Variants in RAB33A observed in about 807,000 individuals in gnomAD.
The protein encoded by RAB33A is RAB33A, member RAS oncogene family.
Under a neutral mutation model 12.0 loss-of-function variants are expected in RAB33A, and 6 were observed. The observed-to-expected ratio is 0.50, with a 90% CI of 0.27 to 0.99. The LOEUF (loss-of-function observed/expected upper bound fraction) is 0.99, where lower values mean the gene tolerates loss of function less well. RAB33A is among the 50% of genes least tolerant of loss of function. The pLI, the probability that RAB33A is intolerant of heterozygous loss-of-function variation, is 0.11. For synonymous variants in RAB33A, 70 were observed against 82.4 expected (o/e 0.85, Z 0.81); for missense variants, 109 against 192.0 (o/e 0.57, Z 2.55).
intron 1 of RAB33A, among the ~76,000 whole-genome samples, chrX:130,173,001 T>C (rs2031628158): frequency 9.0e-6 from 1 of 111,386 alleles, no homozygotes; most frequent in African/African-American, 3.3e-5. Context: ...TCTTTACTTG[T>C]CTGGGGCATC....
the RAB33A span, among the ~76,000 whole-genome samples, chrX:130,133,933 G>A: frequency 9.1e-6 from 1 of 110,385 alleles, no homozygotes; most frequent in Non-Finnish European, 1.9e-5. Flanking sequence ...CGCCTGGCCT[G>A]AGATCTCATT....
At chrX:130,138,239 G>A in the RAB33A span, among the ~76,000 whole-genome samples, 3 of 111,237 alleles carry the variant, frequency 2.7e-5, no homozygotes, top group Non-Finnish European at 3.8e-5. Context: ...GCCAAGGTGG[G>A]CGGATCACCA....
chrX:130,125,639 G>A, the RAB33A span, among the ~76,000 whole-genome samples: 2 of 110,198 alleles, frequency 1.8e-5, no homozygotes, highest in South Asian at 3.9e-4. Context: ...GAAAGGGAAG[G>A]GGCAGTGGGG....
At chrX:130,143,326 T>A in the RAB33A span, among the ~76,000 whole-genome samples, 1 of 112,154 alleles carries the variant, frequency 8.9e-6, no homozygotes, top group South Asian at 3.7e-4. Flanking sequence ...TACTTAATGG[T>A]CCAAAACTGA....
At chrX:130,153,352 C>CA in the RAB33A span, among the ~76,000 whole-genome samples, 272 of 42,690 alleles carry the variant, frequency 6.4e-3, 2 homozygotes, top group East Asian at 0.016. Flanking sequence ...GACTCCGTTT[C>CA]AAAAAAAAAA....
intron 1 of RAB33A, among the ~76,000 whole-genome samples, chrX:130,181,368 G>A (rs1031417662): frequency 1.8e-5 from 2 of 111,705 alleles, no homozygotes; most frequent in African/African-American, 6.5e-5. Context: ...GCTATACTTC[G>A]TTTTAAGAGC....
intron 1 of RAB33A, among the ~76,000 whole-genome samples, chrX:130,179,676 G>GT (rs1230375188): frequency 3.9e-5 from 4 of 102,799 alleles, no homozygotes; most frequent in Non-Finnish European, 5.9e-5. Flanking sequence ...GAGGACTTAT[G>GT]TTTTTTCTGT....
the RAB33A span, among the ~76,000 whole-genome samples, chrX:130,114,227 C>T: frequency 8.9e-6 from 1 of 112,176 alleles, no homozygotes; most frequent in African/African-American, 3.2e-5. Flanking sequence ...TGCCTGCCAG[C>T]GCCCTGCAGC....
chrX:130,181,811 G>A (rs1238158982), intron 1 of RAB33A, among the ~76,000 whole-genome samples: 1 of 110,220 alleles, frequency 9.1e-6, no homozygotes, highest in Non-Finnish European at 1.9e-5. Flanking sequence ...GCTGGGCATG[G>A]TGGCGCACGA....
chrX:130,130,260 G>C, the RAB33A span: 2 of 1,012,955 alleles, frequency 2.0e-6, no homozygotes, highest in South Asian at 3.9e-5. Flanking sequence ...ACAGTCTTTC[G>C]AGGCCTGCTT....
chrX:130,158,547 TTGCTGCTGC>T, the RAB33A span, among the ~76,000 whole-genome samples: 2 of 110,354 alleles, frequency 1.8e-5, no homozygotes, highest in South Asian at 7.8e-4. Flanking sequence ...GATGCTGCTG[TTGCTGCTGC>T]TGCTGTTAGG....
chrX:130,160,934 TAA>T, the RAB33A span, among the ~76,000 whole-genome samples: 12 of 109,773 alleles, frequency 1.1e-4, no homozygotes, highest in African/African-American at 3.3e-4. Flanking sequence ...AAAATAAACT[TAA>T]GAGTTTTTTT....
the RAB33A span, among the ~76,000 whole-genome samples, chrX:130,138,205 C>T: frequency 2.7e-5 from 3 of 111,838 alleles, no homozygotes; most frequent in Admixed American, 2.9e-4. Flanking sequence ...GTGGCTCACG[C>T]CTGTAATCCC....
chrX:130,144,472 C>T, the RAB33A span, among the ~76,000 whole-genome samples: 10 of 111,918 alleles, frequency 8.9e-5, no homozygotes, highest in Non-Finnish European at 1.5e-4. Context: ...TATCGAGCTG[C>T]TTCTATTTCC....
chrX:130,146,451 ATGTGTGTGTGTGTG>A, the RAB33A span, among the ~76,000 whole-genome samples: 12 of 89,446 alleles, frequency 1.3e-4, no homozygotes, highest in East Asian at 7.3e-4. Flanking sequence ...CTCTCAAAAT[ATGTGTGTGTGTGTG>A]TGTGTGTGTG....
chrX:130,153,352 CAAAAAAAAA>C, the RAB33A span, among the ~76,000 whole-genome samples: 27 of 42,860 alleles, frequency 6.3e-4, no homozygotes, highest in Non-Finnish European at 8.4e-4. Flanking sequence ...GACTCCGTTT[CAAAAAAAAA>C]AAAAAAAAAA....
At chrX:130,150,405 G>A in the RAB33A span, among the ~76,000 whole-genome samples, 1 of 87,880 alleles carries the variant, frequency 1.1e-5, no homozygotes, top group East Asian at 3.5e-4. Flanking sequence ...GCGGGATCTC[G>A]GCTCACTGCA....
At chrX:130,113,060 C>CT in the RAB33A span, among the ~76,000 whole-genome samples, 182 of 61,078 alleles carry the variant, frequency 3.0e-3, no homozygotes, top group Non-Finnish European at 4.5e-3. Context: ...TTTTCTTTTT[C>CT]TTTTTTTTTT....
the RAB33A span, among the ~76,000 whole-genome samples, chrX:130,161,308 C>T: frequency 9.2e-6 from 1 of 109,050 alleles, no homozygotes; most frequent in Non-Finnish European, 1.9e-5. Context: ...GTCAGGAGTT[C>T]GAGACCAGCC....
Sources: allele counts gnomAD v4.1 joint callset (sites outside exome capture counted in the v4.1 genomes callset), GRCh38; gene constraint gnomAD v4.1.1; transcripts MANE v1.5; gene names NCBI Gene and HGNC (gene_info 2026-07-23, HGNC 2026-07-21).